Variants in VWA3B observed in about 807,000 individuals in gnomAD.
The protein encoded by VWA3B is von Willebrand factor A domain containing 3B, also known as von Willebrand factor A domain-containing protein 3B.
VWA3B carries 138 observed loss-of-function variants against 158.3 expected under a neutral mutation model. The observed-to-expected ratio is 0.87, with a 90% confidence interval of 0.76 to 1.00. VWA3B has a LOEUF of 1.00. Among genes scored for constraint, VWA3B ranks in the 50% least tolerant of loss-of-function variants. The probability of loss-of-function intolerance (pLI) is 0.00; values close to 1 mark genes in which losing one functional copy is unlikely to be tolerated. For synonymous variants in VWA3B, 596 were observed against 587.3 expected (o/e 1.01, Z -0.21); for missense variants, 1,555 against 1,565.1 (o/e 0.99, Z 0.11).
chr2:98,318,995 C>A, the VWA3B span, among the ~76,000 whole-genome samples: 1 of 152,112 alleles, frequency 6.6e-6, no homozygotes, highest in Non-Finnish European at 1.5e-5. Context: ...CCACATCCCA[C>A]GAATAGTGTA....
chr2:98,101,252 A>G (rs1303235728), intron 2 of VWA3B, among the ~76,000 whole-genome samples: 1 of 152,200 alleles, frequency 6.6e-6, no homozygotes, highest in Admixed American at 6.5e-5. Flanking sequence ...AGTGCTGCCC[A>G]CCACAGAAAG....
intron 24 of VWA3B, among the ~76,000 whole-genome samples, chr2:98,298,448 C>CTATTCTATTCT (rs1558773950): frequency 8.2e-4 from 73 of 89,344 alleles, no homozygotes; most frequent in Admixed American, 1.3e-3. Flanking sequence ...TATTCTATGC[C>CTATTCTATTCT]ATGCCATGCC....
intron 2 of VWA3B, among the ~76,000 whole-genome samples, chr2:98,100,769 T>C (rs1683024814): frequency 6.6e-6 from 1 of 152,186 alleles, no homozygotes; most frequent in South Asian, 2.1e-4. Context: ...CAGATAGTGG[T>C]ATTTTTCTGC....
the VWA3B span, among the ~76,000 whole-genome samples, chr2:98,321,838 G>A: frequency 6.6e-6 from 1 of 152,102 alleles, no homozygotes; most frequent in African/African-American, 2.4e-5. Flanking sequence ...GCTAGTGGTG[G>A]AATGATATGG....
intron 21 of VWA3B, among the ~76,000 whole-genome samples, chr2:98,267,782 T>G (rs1687937499): frequency 6.6e-6 from 1 of 151,984 alleles, no homozygotes; most frequent in Non-Finnish European, 1.5e-5. Context: ...ATAAAATTGA[T>G]AGACTACTAG....
intron 9 of VWA3B, among the ~76,000 whole-genome samples, chr2:98,184,577 CAT>C (rs1327289929): frequency 6.6e-6 from 1 of 152,244 alleles, no homozygotes; most frequent in Non-Finnish European, 1.5e-5. Context: ...CGGCTCTGAA[CAT>C]CCCTTTTCTG....
intron 17 of VWA3B, among the ~76,000 whole-genome samples, 197 bp from the exon 18 acceptor site, chr2:98,236,193 A>G (rs1041495864): frequency 6.6e-6 from 1 of 152,160 alleles, no homozygotes; most frequent in Non-Finnish European, 1.5e-5. Context: ...GTATTTACCC[A>G]TGCATTGGTC....
At chr2:98,303,299 A>G (rs1444767403) in intron 25 of VWA3B, among the ~76,000 whole-genome samples, 1 of 152,016 alleles carries the variant, frequency 6.6e-6, no homozygotes. Context: ...TGGAGGGGGA[A>G]GGATACTGGA....
downstream of VWA3B, among the ~76,000 whole-genome samples, chr2:98,313,735 G>A (rs762998915): frequency 7.2e-5 from 11 of 152,142 alleles, no homozygotes; most frequent in African/African-American, 1.9e-4. Flanking sequence ...CGCTCTCTTC[G>A]TCTCCACTTT....
chr2:98,183,475 C>T (rs1212980994), intron 9 of VWA3B, among the ~76,000 whole-genome samples: 3 of 152,080 alleles, frequency 2.0e-5, no homozygotes, highest in Admixed American at 2.0e-4. Flanking sequence ...TGTAGCAGTT[C>T]AAAGATGATG....
chr2:98,285,801 AAAACAAGC>A, intron 22 of VWA3B, among the ~76,000 whole-genome samples: 1 of 152,088 alleles, frequency 6.6e-6, no homozygotes, highest in South Asian at 2.1e-4. Context: ...AGAAAATCCA[AAAACAAGC>A]AAACAAAAAG....
At chr2:98,118,336 G>T (rs527592920) in intron 3 of VWA3B, among the ~76,000 whole-genome samples, 1 of 152,230 alleles carries the variant, frequency 6.6e-6, no homozygotes, top group African/African-American at 2.4e-5. Context: ...GAGGTTGACA[G>T]ACACATGGGA....
At chr2:98,178,426 A>G (rs1573995302) in intron 8 of VWA3B, among the ~76,000 whole-genome samples, 1 of 152,338 alleles carries the variant, frequency 6.6e-6, no homozygotes, top group African/African-American at 2.4e-5. Flanking sequence ...ATTAATGGGC[A>G]GGTCCTTTAC....
intron 23 of VWA3B, among the ~76,000 whole-genome samples, chr2:98,295,665 C>T (rs574478003): frequency 2.0e-5 from 3 of 152,304 alleles, no homozygotes; most frequent in Admixed American, 1.3e-4. Context: ...CCTTCAGAAC[C>T]GAGGTCCTCA....
chr2:98,115,743 C>A lies in VWA3B; in HGVS notation c.288C>A (p.Tyr96Ter). The change falls in exon 3 of 28, where the codon TAC becomes TAA. Residue 96 changes from tyrosine (Y) to a stop codon, truncating the protein, a stop_gained. Coordinates refer to ENST00000477737, the MANE Select transcript of VWA3B (RefSeq NM_144992.5). LOFTEE classifies it high-confidence loss of function. ...ACAGAGCAGAAGATGGCAGAGTATA[C>A]AATGTAAGTCAGAGTTCCCTCAATG... is the stretch of plus-strand genomic sequence containing the variant. ...QLYRAEDGRV[Y>*]NLTAKSELIY... 3 of 1,612,178 alleles carry A rather than the reference C, an allele frequency of 1.9e-6. No homozygotes were observed. Among genetic ancestry groups the A allele is most frequent in the Non-Finnish European group, 2.5e-6 (3 of 1,179,442 alleles).
intron 23 of VWA3B, among the ~76,000 whole-genome samples, chr2:98,296,922 T>A (rs1028940237): frequency 6.6e-6 from 1 of 150,620 alleles, no homozygotes; most frequent in Non-Finnish European, 1.5e-5. Flanking sequence ...AATTAAATAA[T>A]ATATATGTTT....
intron 7 of VWA3B, among the ~76,000 whole-genome samples, chr2:98,136,309 G>A (rs1478638638): frequency 6.6e-6 from 1 of 152,014 alleles, no homozygotes; most frequent in African/African-American, 2.4e-5. Context: ...TCCCATTGTT[G>A]TACACCCATC....
At position 98,115,721 on chromosome 2, in the gene VWA3B, G is replaced by C; in HGVS notation, c.266G>C (p.Arg89Thr). The change falls in exon 3 of 28, where the codon AGA (arginine) becomes ACA (threonine). Residue 89 changes from arginine to threonine, a missense_variant. Physicochemically the swap from Arg to Thr is moderately conservative, Grantham distance 71 (BLOSUM62 -1). Transcript: ENST00000477737. ...GATGGTCTGTTTCCACAGCTCTACA[G>C]AGCAGAAGATGGCAGAGTATACAAT... The part of the protein sequence containing the change: ...YADGLFPQLY[R>T]AEDGRVYNLT... The C allele has an allele frequency of 1.9e-6, 3 of 1,613,474 alleles. No individual in the cohort carries two copies. Among genetic ancestry groups the C allele is most frequent in the Non-Finnish European group, 2.5e-6 (3 of 1,180,012 alleles).
chr2:98,146,000 G>A (rs1437066549), intron 7 of VWA3B, among the ~76,000 whole-genome samples: 1 of 152,080 alleles, frequency 6.6e-6, no homozygotes, highest in Non-Finnish European at 1.5e-5. Context: ...CTCTCAAACT[G>A]CTGGGATTAC....
Sources: allele counts gnomAD v4.1 joint callset (sites outside exome capture counted in the v4.1 genomes callset), GRCh38; gene constraint gnomAD v4.1.1; transcripts MANE v1.5; gene names NCBI Gene and HGNC (gene_info 2026-07-23, HGNC 2026-07-21).